The following AGPAT3 variants were observed in gnomAD, a reference collection of about 807,000 sequenced individuals.
AGPAT3 encodes the protein 1-acyl-sn-glycerol-3-phosphate acyltransferase gamma.
In AGPAT3, 5 loss-of-function variants were observed where a neutral mutation model predicts 47.3. The ratio of observed to expected loss-of-function variants is 0.11; its 90% CI spans 0.06 to 0.22. The LOEUF is 0.22. Ranked by LOEUF, AGPAT3 falls within the 10% of genes least tolerant of loss-of-function variation. The pLI, the probability that AGPAT3 is intolerant of heterozygous loss-of-function variation, is 1.00. For synonymous variants in AGPAT3, 212 were observed against 208.3 expected (o/e 1.02, Z -0.15); for missense variants, 315 against 493.0 (o/e 0.64, Z 3.42).
In AGPAT3 at chr21:43,934,790, TCA is replaced by T. The variant is rs1158971513; in HGVS notation, c.-48-24840_-48-24839del. On this transcript the variant is annotated intron_variant, in intron 2 of 9. Transcript: ENST00000291572. The surrounding 1 kb of genome is among the most constrained non-coding windows in gnomAD (Gnocchi z 4.7). ...TATCACATCACGCCACCCACGCCACTCACACGCCACCCATGCCACCCACACCA... is the reference window on the plus strand; with the variant it reads ...TATCACATCACGCCACCCACGCCACTCACGCCACCCATGCCACCCACACCA... Among the ~76,000 whole-genome samples the T allele has an allele frequency of 6.7e-6, 1 of 149,798 alleles. No individual in the cohort carries two copies. Among genetic ancestry groups the T allele is most frequent in the Non-Finnish European group, 1.5e-5 (1 of 67,412 alleles).
intron 2 of AGPAT3, among the ~76,000 whole-genome samples, chr21:43,958,612 AGT>A (rs538027911): frequency 8.6e-6 from 1 of 115,958 alleles, no homozygotes; most frequent in Non-Finnish European, 1.8e-5. Flanking sequence ...TGTGGTTTGT[AGT>A]GTGTGTATGT....
At chr21:43,949,336 C>T (rs1035260231) in intron 2 of AGPAT3, among the ~76,000 whole-genome samples, 6 of 152,308 alleles carry the variant, frequency 3.9e-5, no homozygotes, top group Middle Eastern at 3.4e-3. Context: ...CTGGTTTCCC[C>T]TGGGGTCATT....
In AGPAT3 at chr21:43,987,038, G is replaced by A. The variant is rs535957410; in HGVS notation, c.*4646G>A. ...CAGGCAGGTGTGCGCCTGCCCGAGCGCGAGTAGCTCTTGTGTAGTGGTGAA... is the reference window on the plus strand; with the variant it reads ...CAGGCAGGTGTGCGCCTGCCCGAGCACGAGTAGCTCTTGTGTAGTGGTGAA... On this transcript the variant is annotated 3_prime_UTR_variant, in exon 10 of 10. Transcript: ENST00000291572. Among the ~76,000 whole-genome samples the A allele has an allele frequency of 3.3e-5, 5 of 152,352 alleles. No homozygotes were observed. Among genetic ancestry groups the A allele is most frequent in the African/African-American group, 4.8e-5 (2 of 41,586 alleles).
intron 2 of AGPAT3, among the ~76,000 whole-genome samples, chr21:43,919,266 C>A (rs1415861632): frequency 9.1e-3 from 1 of 110 alleles, no homozygotes; most frequent in East Asian, 0.12. Context: ...ACCTGTCACC[C>A]GAGCAGTGGT....
chr21:43,971,338 C>G lies in AGPAT3; in HGVS notation c.665-50C>G, dbSNP rs756239248. ...AACTTGCTTTTCCCTCTGGCAGTGA[C>G]CATGCAGCCGCCTGGGCTGGGTCAT... On this transcript the variant is annotated intron_variant, in intron 6 of 9. Coordinates refer to ENST00000291572, the MANE Select transcript of AGPAT3 (RefSeq NM_020132.5). The G allele has an allele frequency of 1.9e-6, 3 of 1,554,332 alleles. No homozygotes were observed. In the African/African-American group the frequency reaches 4.1e-5, roughly 21 times the overall value.
chr21:43,967,842 C>T, intron 3 of AGPAT3, 104 bp from the exon 4 acceptor site: 2 of 1,193,222 alleles, frequency 1.7e-6, no homozygotes, highest in Non-Finnish European at 2.3e-6. Flanking sequence ...TTAGCAGAGA[C>T]TTCCTCTCTG....
intron 1 of AGPAT3, among the ~76,000 whole-genome samples, chr21:43,883,210 C>A (rs1446797382): frequency 2.6e-5 from 4 of 152,190 alleles, no homozygotes; most frequent in Admixed American, 6.5e-5. Flanking sequence ...GACTGACCTG[C>A]CTCAGACACC....
At chr21:43,969,070 T>G in intron 4 of AGPAT3, 48 bp from the exon 5 acceptor site, 1 of 1,602,374 alleles carries the variant, frequency 6.2e-7, no homozygotes, top group Non-Finnish European at 8.5e-7. Flanking sequence ...GCCCCTGGCC[T>G]CTGTCCGACG....
intron 2 of AGPAT3, among the ~76,000 whole-genome samples, chr21:43,935,209 C>T (rs911896195): frequency 3.3e-5 from 5 of 152,264 alleles, no homozygotes; most frequent in South Asian, 2.1e-4. Context: ...GTGCGGGCAT[C>T]GGTTGTGTCA....
chr21:43,943,959 G>C (rs2087765279), intron 2 of AGPAT3, among the ~76,000 whole-genome samples: 1 of 152,240 alleles, frequency 6.6e-6, no homozygotes, highest in South Asian at 2.1e-4. Flanking sequence ...CCTGGGCCCA[G>C]TGGTGGCAGC....
At chr21:43,896,041 T>G (rs2086208839) in intron 1 of AGPAT3, among the ~76,000 whole-genome samples, 1 of 152,210 alleles carries the variant, frequency 6.6e-6, no homozygotes, top group Admixed American at 6.5e-5. Flanking sequence ...GTGCCGAGAT[T>G]ACAGGCATGA....
chr21:43,894,369 C>T (rs1394774224), intron 1 of AGPAT3, among the ~76,000 whole-genome samples: 6 of 150,460 alleles, frequency 4.0e-5, no homozygotes, highest in African/African-American at 7.4e-5. Context: ...AGTTTTGTAA[C>T]GATTATGGTA....
At chr21:43,962,221 T>C (rs531414225) in intron 3 of AGPAT3, among the ~76,000 whole-genome samples, 45 of 152,080 alleles carry the variant, frequency 3.0e-4, no homozygotes, top group African/African-American at 8.9e-4. Flanking sequence ...CCAGGATGGT[T>C]TTGATCTCCT....
intron 1 of AGPAT3, among the ~76,000 whole-genome samples, chr21:43,884,478 T>C (rs925992399): frequency 1.3e-5 from 2 of 152,214 alleles, no homozygotes; most frequent in Admixed American, 6.5e-5. Context: ...CTTCCAGTGC[T>C]GCCTGTGGTC....
intron 7 of AGPAT3, among the ~76,000 whole-genome samples, chr21:43,975,084 G>A (rs2089555949): frequency 6.6e-6 from 1 of 152,022 alleles, no homozygotes; most frequent in Admixed American, 6.6e-5. Flanking sequence ...CTGGCATGTT[G>A]CATGTGCTGG....
chr21:43,938,113 C>G (rs964595882), intron 2 of AGPAT3, among the ~76,000 whole-genome samples: 1 of 134,440 alleles, frequency 7.4e-6, no homozygotes, highest in African/African-American at 2.7e-5. Flanking sequence ...CTCACACACA[C>G]ACAGACACAC....
At chr21:43,958,342 G>A (rs901382882) in intron 2 of AGPAT3, among the ~76,000 whole-genome samples, 6 of 151,930 alleles carry the variant, frequency 3.9e-5, no homozygotes, top group Non-Finnish European at 8.8e-5. Context: ...GCAGTGTGTG[G>A]TGTGTGGTAC....
At position 43,935,651 on chromosome 21, in the gene AGPAT3, C is replaced by T. The variant is rs560439554; in HGVS notation, c.-48-23983C>T. On this transcript the variant is annotated intron_variant, in intron 2 of 9. Transcript: ENST00000291572. ...TCTGGGGCCTCAGGGCTGGGTCTGC[C>T]TGGCATTTGGGGAGTCTGTTATTCA... Among the ~76,000 whole-genome samples the T allele has an allele frequency of 2.6e-5, 4 of 152,312 alleles. No homozygotes were observed. The South Asian group carries it at 8.3e-4, about 32-fold the overall frequency.
At chr21:43,972,037 G>A (rs914287559) in intron 7 of AGPAT3, among the ~76,000 whole-genome samples, 3 of 152,232 alleles carry the variant, frequency 2.0e-5, no homozygotes, top group South Asian at 2.1e-4. Context: ...CTGAAGCAGC[G>A]CTGGTGATGG....
Sources: allele counts gnomAD v4.1 joint callset (sites outside exome capture counted in the v4.1 genomes callset), GRCh38; gene constraint gnomAD v4.1.1; non-coding constraint Gnocchi (gnomAD v3.1); transcripts MANE v1.5; gene names NCBI Gene and HGNC (gene_info 2026-07-23, HGNC 2026-07-21).